The following RNF212 variants were observed in gnomAD, a reference collection of about 807,000 sequenced individuals.
RNF212 encodes the protein ring finger protein 212, also known as probable E3 SUMO-protein ligase RNF212.
RNF212 carries 33 observed loss-of-function variants against 34.7 expected under a neutral mutation model. That is an observed-to-expected ratio of 0.95 (90% CI 0.72 to 1.27). The LOEUF (loss-of-function observed/expected upper bound fraction) is 1.27, where lower values mean the gene tolerates loss of function less well. Ranked by LOEUF, RNF212 falls within the 50% of genes most tolerant of loss-of-function variation. The probability of loss-of-function intolerance (pLI) is 0.00; values close to 1 mark genes in which losing one functional copy is unlikely to be tolerated. For synonymous variants in RNF212, 140 were observed against 136.1 expected, an observed-to-expected ratio of 1.03 and a Z score of -0.20; for missense variants, 377 against 362.2, an observed-to-expected ratio of 1.04 and a Z score of -0.33.
At chr4:1,068,232 C>A (rs1680577534), downstream of RNF212, among the ~76,000 whole-genome samples, 2 of 152,124 alleles carry the variant, frequency 1.3e-5, no homozygotes, top group Admixed American at 6.5e-5. Flanking sequence ...CAAAAGTAAC[C>A]AAGATATTGT....
chr4:1,094,127 C>A (rs912120243), intron 3 of RNF212: 6 of 1,278,416 alleles, frequency 4.7e-6, no homozygotes, highest in Non-Finnish European at 6.3e-6. Flanking sequence ...GAGTGCCATG[C>A]AGGGGTCCAT....
chr4:1,069,679 A>G (rs1718318732), downstream of RNF212, among the ~76,000 whole-genome samples: 1 of 152,266 alleles, frequency 6.6e-6, no homozygotes, highest in Admixed American at 6.5e-5. Flanking sequence ...TAAGCAGAGC[A>G]GTAGCATTTC....
upstream of RNF212, chr4:1,113,658 C>T (rs1032360348): frequency 2.3e-5 from 11 of 479,126 alleles, no homozygotes; most frequent in South Asian, 2.4e-4. Context: ...CCTGGGAGGG[C>T]GCGTGTGACT....
chr4:1,082,717 C>T (rs1051619510), intron 5 of RNF212, among the ~76,000 whole-genome samples: 6 of 152,212 alleles, frequency 3.9e-5, no homozygotes, highest in African/African-American at 1.2e-4. Context: ...TCCCAGAGGA[C>T]GGGCACTGGG....
At chr4:1,086,047 GGTTACTCT>G in intron 4 of RNF212, 93 bp from the exon 5 acceptor site, 7 of 934,754 alleles carry the variant, frequency 7.5e-6, no homozygotes, top group South Asian at 1.3e-5. Flanking sequence ...TCAGAATGTG[GGTTACTCT>G]GCATGGAGTT....
intron 3 of RNF212, among the ~76,000 whole-genome samples, chr4:1,091,460 C>T (rs1178317311): frequency 1.3e-5 from 2 of 152,196 alleles, no homozygotes; most frequent in South Asian, 2.1e-4. Context: ...GACAATGGTG[C>T]CTACCCTCTG....
At chr4:1,056,854 C>T in intron 4 of RNF212, 6 of 987,978 alleles carry the variant, frequency 6.1e-6, no homozygotes, top group Non-Finnish European at 7.2e-6. Flanking sequence ...ACTGCCTCTG[C>T]AGCAGGCTGG....
intron 5 of RNF212, among the ~76,000 whole-genome samples, chr4:1,082,188 C>T (rs771153004): frequency 6.6e-6 from 1 of 152,236 alleles, no homozygotes. Context: ...AACAGGCCAG[C>T]AAGAGAAATA....
intron 8 of RNF212, among the ~76,000 whole-genome samples, chr4:1,078,639 G>A (rs1719729624): frequency 6.6e-6 from 1 of 152,226 alleles, no homozygotes; most frequent in Non-Finnish European, 1.5e-5. Flanking sequence ...GCAAGTGAAG[G>A]CAGTTAAAGC....
chr4:1,105,516 C>G (rs148680470), intron 2 of RNF212, among the ~76,000 whole-genome samples: 1 of 152,392 alleles, frequency 6.6e-6, no homozygotes, highest in East Asian at 1.9e-4. Flanking sequence ...TCAAGGAACA[C>G]AGCGTCAGAG....
intron 7 of RNF212, 73 bp from the exon 8 acceptor site, chr4:1,079,761 CAT>C (rs758783223): frequency 1.6e-5 from 16 of 981,472 alleles, no homozygotes; most frequent in South Asian, 1.0e-4. Flanking sequence ...GAAATACACA[CAT>C]GACGAGATGA....
At chr4:1,105,697 C>T (rs1430436114) in intron 2 of RNF212, among the ~76,000 whole-genome samples, 4 of 152,256 alleles carry the variant, frequency 2.6e-5, no homozygotes, top group African/African-American at 7.2e-5. Flanking sequence ...TGCTCACACA[C>T]GGATGCACCC....
chr4:1,060,114 GA>G (rs1291731669), intron 3 of RNF212, among the ~76,000 whole-genome samples: 1 of 13,832 alleles, frequency 7.2e-5, no homozygotes, highest in African/African-American at 5.4e-4. Flanking sequence ...AAAAAAAAAA[GA>G]AAAAAGAAAT....
intron 4 of RNF212, among the ~76,000 whole-genome samples, chr4:1,089,406 C>T (rs940380266): frequency 1.2e-4 from 18 of 152,238 alleles, no homozygotes; most frequent in Admixed American, 9.8e-4. Context: ...AATGCCTGTA[C>T]TCCCATAGTA....
At chr4:1,110,850 A>G (rs1380700176) in intron 1 of RNF212, among the ~76,000 whole-genome samples, 1 of 152,154 alleles carries the variant, frequency 6.6e-6, no homozygotes, top group Admixed American at 6.5e-5. Context: ...CCCGACATGC[A>G]GCATCTGTGG....
chr4:1,102,652 A>T (rs1421843346), intron 2 of RNF212, among the ~76,000 whole-genome samples: 4 of 151,924 alleles, frequency 2.6e-5, no homozygotes, highest in African/African-American at 9.7e-5. Flanking sequence ...GGAGATCGAG[A>T]CCATCCTGGC....
At chr4:1,096,598 T>C in intron 3 of RNF212, 167 bp downstream of exon 3, 1 of 667,388 alleles carries the variant, frequency 1.5e-6, no homozygotes, top group Non-Finnish European at 2.7e-6. Context: ...GGTCTCGGGA[T>C]AGTGCACCTG....
chr4:1,093,945 T>C (rs1722628787), intron 3 of RNF212: 2 of 1,536,152 alleles, frequency 1.3e-6, no homozygotes, highest in Non-Finnish European at 1.7e-6. Flanking sequence ...GTCGAGCCTC[T>C]GGGCACCTCC....
In RNF212 at chr4:1,096,587, T is replaced by C. The variant is rs376562788; in HGVS notation, c.246+178A>G. The C allele has an allele frequency of 1.2e-3, 605 of 516,778 alleles. 2 individuals carry two copies. Among genetic ancestry groups the C allele is most frequent in the South Asian group, 8.0e-3 (400 of 50,054 alleles). The allele number at this position is 516,778 out of a possible 1,614,324, so 32.0% of individuals were successfully genotyped here. A position where few individuals can be genotyped will look rare whatever the true frequency, so the allele number is the denominator to read the frequency against. On this transcript the variant is annotated intron_variant, in intron 3 of 9. Transcript: ENST00000433731. ...ACCAAGCACAACTCCCACAGCTCCATGGTCTCGGGATAGTGCACCTGGCTC... is the reference window on the plus strand; with the variant it reads ...ACCAAGCACAACTCCCACAGCTCCACGGTCTCGGGATAGTGCACCTGGCTC...
Sources: gnomAD v4.1 joint callset for allele counts (sites outside exome capture counted in the v4.1 genomes callset) on GRCh38, gnomAD v4.1.1 for gene constraint, MANE v1.5 for transcripts, NCBI Gene and HGNC (gene_info 2026-07-23, HGNC 2026-07-21) for gene names.